ATP13A3: variants seen among roughly 807,000 people sequenced by gnomAD.
ATP13A3 encodes ATPase 13A3.
Under a neutral mutation model 158.1 loss-of-function variants are expected in ATP13A3, and 59 were observed. That is an observed-to-expected ratio of 0.37 (90% confidence interval 0.30 to 0.46). The LOEUF is 0.46. Among genes scored for constraint, ATP13A3 ranks in the 20% least tolerant of loss-of-function variants. The pLI, the probability that ATP13A3 is intolerant of heterozygous loss-of-function variation, is 1.00. For synonymous variants in ATP13A3, 491 were observed against 504.3 expected (o/e 0.97, Z 0.35); for missense variants, 1,166 against 1,525.2 (o/e 0.76, Z 3.92).
intron 31 of ATP13A3, among the ~76,000 whole-genome samples, chr3:194,418,226 T>C (rs1021184234): frequency 6.6e-6 from 1 of 152,258 alleles, no homozygotes; most frequent in East Asian, 1.9e-4. Flanking sequence ...AAAGACTAAA[T>C]GTGAGAGTAT....
At chr3:194,459,672 T>C (rs937774499) in intron 5 of ATP13A3, 117 bp downstream of exon 5, 3 of 1,180,054 alleles carry the variant, frequency 2.5e-6, no homozygotes, top group Non-Finnish European at 3.6e-6. Flanking sequence ...ATATTTTATA[T>C]GCAGGTAAAT....
intron 33 of ATP13A3, among the ~76,000 whole-genome samples, chr3:194,410,307 A>AC (rs978635759): frequency 6.4e-5 from 9 of 139,588 alleles, no homozygotes; most frequent in African/African-American, 1.4e-4. Flanking sequence ...AAAAAAAAAA[A>AC]AAAAAAAAAA....
In ATP13A3 at chr3:194,437,165, G is replaced by A. The variant is rs1166975045; in HGVS notation, c.2050C>T (p.Arg684Cys). ...VLEDFTKQGFRVIALAHRKLE... is the reference protein window; with the variant it reads ...VLEDFTKQGFCVIALAHRKLE... Reference sequence around the variant, plus strand: ...TTTCTGTGTGCAAGAGCAATCACACGGAAGCCCTGTTTAGTGAAGTCTTCC... The same window carrying A: ...TTTCTGTGTGCAAGAGCAATCACACAGAAGCCCTGTTTAGTGAAGTCTTCC... The change falls in exon 20 of 34, where the codon CGT becomes TGT. Residue 684 changes from arginine to cysteine, a missense_variant. By Grantham distance (180) the Arg-to-Cys change is radical. Around this residue, in one of 3 missense-constraint regions of ATP13A3, gnomAD observed 997 missense variants for 1,341.2 expected, o/e 0.74. Coordinates refer to ENST00000645319, the MANE Select transcript of ATP13A3 (RefSeq NM_001367549.1). 1.9e-6 allele frequency: 3 copies of A among 1,613,786 alleles called. No individual in the cohort carries two copies. Among genetic ancestry groups the A allele is most frequent in the Non-Finnish European group, 2.5e-6 (3 of 1,179,804 alleles).
chr3:194,465,310 G>C (rs1464601667), intron 2 of ATP13A3, among the ~76,000 whole-genome samples: 1 of 152,102 alleles, frequency 6.6e-6, no homozygotes, highest in Non-Finnish European at 1.5e-5. Context: ...AAGCAATGAG[G>C]TTTGCTGGTC....
At chr3:194,413,313 C>T (rs1231176053) in intron 32 of ATP13A3, among the ~76,000 whole-genome samples, 2 of 152,176 alleles carry the variant, frequency 1.3e-5, no homozygotes, top group Non-Finnish European at 2.9e-5. Context: ...TTATTTTATA[C>T]TTTCATTAAA....
Position 194,431,128 on chromosome 3 carries a change from C to A in ATP13A3, c.2520G>T (p.Glu840Asp). ...CCTTAGGAACAAGGTCTTGAAAATG[C>A]TCCAGTATCACTGAGAATGATTTTC... ...MNGKSFSVIL[E>D]HFQDLVPKLM... The change falls in exon 23 of 34, where the codon GAG (glutamate) becomes GAT (aspartate). Residue 840 changes from glutamate (E) to aspartate (D), a missense_variant. By Grantham distance (45) the Glu-to-Asp change is conservative. This residue lies in a region of ATP13A3 where 997 missense variants were observed against 1,341.2 expected (regional missense o/e 0.74). Transcript: ENST00000645319. The A allele has an allele frequency of 6.2e-7, 1 of 1,613,958 alleles. No homozygotes were observed. The highest frequency in any genetic ancestry group is 8.5e-7 in the Non-Finnish European group (1 of 1,179,860).
chr3:194,431,262 A>C (rs751642335), intron 22 of ATP13A3, 36 bp from the exon 23 acceptor site: 1 of 1,545,082 alleles, frequency 6.5e-7, no homozygotes, highest in South Asian at 1.2e-5. Context: ...ATATTTAGGC[A>C]ACCAAACCAA....
chr3:194,427,120 C>CA lies in ATP13A3; in HGVS notation c.3079dup (p.Trp1027LeufsTer9), dbSNP rs746602775. On this transcript the variant is annotated frameshift_variant, in exon 29 of 34. Coordinates refer to ENST00000645319, the MANE Select transcript of ATP13A3 (RefSeq NM_001367549.1). LOFTEE classifies it high-confidence loss of function. ...TTCATACCAAGGTTGCTGTTTGACCCAAAAAAAACCCAAAGATTGAAATCC... is the reference window on the plus strand; with the variant it reads ...TTCATACCAAGGTTGCTGTTTGACCCAAAAAAAAACCCAAAGATTGAAATCC... 20 of 1,611,328 alleles carry CA rather than the reference C, an allele frequency of 1.2e-5. No individual in the cohort carries two copies. Among genetic ancestry groups the CA allele is most frequent in the Admixed American group, 3.4e-5 (2 of 59,634 alleles).
Position 194,454,093 on chromosome 3 carries a change from C to A in ATP13A3, c.765+165G>T, listed in dbSNP as rs1032477. 0.13 allele frequency among the ~76,000 whole-genome samples: 19,519 copies of A among 152,092 alleles called. 1,401 individuals carry two copies. The highest frequency in any genetic ancestry group is 0.24 in the South Asian group (1,148 of 4,822). ...GCACCTGCTATCCCCAACCTCCCAA[C>A]CAGCAAAACAAACAAAAAGGGAGGG... On this transcript the variant is annotated intron_variant, in intron 9 of 33. Transcript: ENST00000645319.
rs117736898 is a variant in ATP13A3, at chr3:194,458,547, G to A, written c.479+924C>T. Among the ~76,000 whole-genome samples the A allele has an allele frequency of 6.5e-3, 995 of 152,048 alleles. 15 individuals carry two copies. Among genetic ancestry groups the A allele is most frequent in the East Asian group, 0.047 (242 of 5,164 alleles). ...TGGGATTATAGCCATCCATCACCAG[G>A]CTAATTTTTTTTGTATTTTTAGTAG... On this transcript the variant is annotated intron_variant, in intron 6 of 33. Transcript: ENST00000645319.
chr3:194,434,827 T>G (rs1213404574), intron 20 of ATP13A3, among the ~76,000 whole-genome samples: 1 of 152,012 alleles, frequency 6.6e-6, no homozygotes, highest in African/African-American at 2.4e-5. Flanking sequence ...GCTTGAGGAG[T>G]GAGGATCATT....
chr3:194,436,489 T>C (rs966527689), intron 20 of ATP13A3, among the ~76,000 whole-genome samples: 1 of 152,202 alleles, frequency 6.6e-6, no homozygotes, highest in Non-Finnish European at 1.5e-5. Context: ...AAAAATTACA[T>C]TTACTGTTCT....
At chr3:194,454,215 A>G (rs1481244325) in intron 9 of ATP13A3, 43 bp downstream of exon 9, 1 of 1,532,816 alleles carries the variant, frequency 6.5e-7, no homozygotes, top group East Asian at 2.3e-5. Context: ...GTTACTACAA[A>G]ATACAAATAC....
At chr3:194,414,843 G>C (rs1715703385) in intron 31 of ATP13A3, among the ~76,000 whole-genome samples, 1 of 152,140 alleles carries the variant, frequency 6.6e-6, no homozygotes, top group Admixed American at 6.5e-5. Context: ...GGATCTGTTG[G>C]GTGGAACACC....
At chr3:194,412,854 C>T (rs1210606097) in intron 32 of ATP13A3, 2 of 152,338 alleles carry the variant, frequency 1.3e-5, no homozygotes, top group Non-Finnish European at 2.9e-5. Flanking sequence ...TCCATGCTGC[C>T]CATCATATCC....
intron 7 of ATP13A3, 65 bp from the exon 8 acceptor site, chr3:194,456,027 T>C: frequency 1.0e-6 from 1 of 1,004,646 alleles, no homozygotes; most frequent in Non-Finnish European, 1.4e-6. Context: ...ACGAAAGGCA[T>C]TGTATTAGGT....
intron 31 of ATP13A3, among the ~76,000 whole-genome samples, chr3:194,418,788 G>C (rs1419506864): frequency 6.6e-6 from 1 of 152,176 alleles, no homozygotes; most frequent in Admixed American, 6.5e-5. Flanking sequence ...GGAAACTTTT[G>C]TCCCTAATGG....
chr3:194,449,242 T>C (rs1464786293), intron 11 of ATP13A3, among the ~76,000 whole-genome samples: 1 of 152,166 alleles, frequency 6.6e-6, no homozygotes, highest in Admixed American at 6.5e-5. Flanking sequence ...GTGTCAGATA[T>C]GTATTTGTTT....
chr3:194,457,512 TAAGATA>T (rs1477974770), intron 6 of ATP13A3, among the ~76,000 whole-genome samples: 2 of 152,184 alleles, frequency 1.3e-5, no homozygotes, highest in Non-Finnish European at 2.9e-5. Context: ...TTTAAAATTT[TAAGATA>T]AAGTATAACT....
Sources: allele counts gnomAD v4.1 joint callset (sites outside exome capture counted in the v4.1 genomes callset), GRCh38; gene constraint gnomAD v4.1.1; regional missense constraint gnomAD v4.1.1; transcripts MANE v1.5; gene names NCBI Gene and HGNC (gene_info 2026-07-23, HGNC 2026-07-21).